Variants in PHKA2 observed in about 807,000 individuals in gnomAD.
PHKA2 encodes phosphorylase kinase regulatory subunit alpha 2.
In PHKA2, 31 loss-of-function variants were observed where a neutral mutation model predicts 102.0. That is an observed-to-expected ratio of 0.30 (90% confidence interval 0.23 to 0.41). The LOEUF (loss-of-function observed/expected upper bound fraction) is 0.41, where lower values mean the gene tolerates loss of function less well. Among genes scored for constraint, PHKA2 ranks in the 10% least tolerant of loss-of-function variants. The pLI, the probability that PHKA2 is intolerant of heterozygous loss-of-function variation, is 1.00. For synonymous variants in PHKA2, 455 were observed against 416.2 expected (o/e 1.09, Z -1.13); for missense variants, 858 against 1,023.1 (o/e 0.84, Z 2.20).
chrX:18,898,399 C>T (rs1266175709), intron 29 of PHKA2, among the ~76,000 whole-genome samples: 3 of 113,041 alleles, frequency 2.7e-5, no homozygotes, highest in Non-Finnish European at 3.7e-5. Context: ...CTTCTAGCTT[C>T]GAGACCTCCA....
Position 18,982,749 on chromosome X carries a change from G to A in PHKA2, c.78+1106C>T, listed in dbSNP as rs758895489. On this transcript the variant is annotated intron_variant, in intron 1 of 32. Transcript: ENST00000379942. Reference sequence around the variant, plus strand: ...CTCGGGAGGCTGAGGCAGGATAATCGCTTGAACCCGAGAGGCAGAGGTTTC... The same window carrying A: ...CTCGGGAGGCTGAGGCAGGATAATCACTTGAACCCGAGAGGCAGAGGTTTC... Among the ~76,000 whole-genome samples the A allele has an allele frequency of 6.9e-4, 77 of 111,815 alleles. No individual in the cohort carries two copies. In the Middle Eastern group the frequency reaches 0.014, roughly 20 times the overall value.
chrX:18,966,424 A>C (rs2048946196), intron 1 of PHKA2, among the ~76,000 whole-genome samples: 3 of 111,390 alleles, frequency 2.7e-5, no homozygotes. Flanking sequence ...AAGGCAACTA[A>C]GTGATCTGAC....
In PHKA2 at chrX:18,958,719, T is replaced by TGC. The variant is rs1187104849; in HGVS notation, c.79-4309_79-4308dup. On this transcript the variant is annotated intron_variant, in intron 1 of 32. Coordinates refer to ENST00000379942, the MANE Select transcript of PHKA2 (RefSeq NM_000292.3). ...TCAGTTTCTTTTGTGTGTGTGTGTG[T>TGC]GCGTGTGTGTGATGGAGTCTCACTC... Among the ~76,000 whole-genome samples, 695 of 110,532 alleles carry TGC rather than the reference T, an allele frequency of 6.3e-3. 8 individuals carry two copies. Among genetic ancestry groups the TGC allele is most frequent in the African/African-American group, 0.022 (661 of 30,323 alleles).
rs1245541529 is a variant in PHKA2 at position 18,952,554 on chromosome X, A to G, written c.238-13T>C. The G allele has an allele frequency of 8.3e-7, 1 of 1,204,488 alleles. No homozygotes were observed. The highest frequency in any genetic ancestry group is 1.8e-5 in the African/African-American group (1 of 56,972). On this transcript the variant is annotated splice_polypyrimidine_tract_variant and intron_variant, in intron 2 of 32. Transcript: ENST00000379942. ...GCTTCACCACGTTCTGTGGAGATAA[A>G]GCAGAATCAGCAACACGGCCCAGGG...
At chrX:18,977,674 T>A (rs762235929) in intron 1 of PHKA2, among the ~76,000 whole-genome samples, 1 of 111,133 alleles carries the variant, frequency 9.0e-6, no homozygotes, top group African/African-American at 3.3e-5. Context: ...ATATAATTTT[T>A]AAAAAATTTC....
intron 26 of PHKA2, 100 bp from the exon 27 acceptor site, chrX:18,901,703 C>G (rs2047685360): frequency 1.7e-5 from 10 of 578,385 alleles, no homozygotes; most frequent in Non-Finnish European, 3.1e-5. Flanking sequence ...TGAGGGCCTT[C>G]TCTGCCTGGC....
At position 18,893,209 on chromosome X, in the gene PHKA2, C is replaced by T; in HGVS notation, c.*276G>A. 1 of 396,067 alleles carries T rather than the reference C, an allele frequency of 2.5e-6. No homozygotes were observed. Among genetic ancestry groups the T allele is most frequent in the Admixed American group, 4.1e-5 (1 of 24,150 alleles). The allele number at this position is 396,067 out of a possible 1,213,427, so 32.6% of individuals were successfully genotyped here. A position where few individuals can be genotyped will look rare whatever the true frequency, so the allele number is the denominator to read the frequency against. On this transcript the variant is annotated 3_prime_UTR_variant, in exon 33 of 33. Coordinates refer to ENST00000379942, the MANE Select transcript of PHKA2 (RefSeq NM_000292.3). ...CAATTTCCAATTCCTCCTCAGAGTC[C>T]GTGAGACCAGATGCTACAGCAAATG...
At chrX:18,950,668 G>A (rs1289983288) in intron 4 of PHKA2, among the ~76,000 whole-genome samples, 1 of 112,953 alleles carries the variant, frequency 8.9e-6, no homozygotes, top group Non-Finnish European at 1.9e-5. Flanking sequence ...GTTTGAATGT[G>A]TCCCCTCCAA....
chrX:18,968,244 A>AT (rs1289640957), intron 1 of PHKA2, among the ~76,000 whole-genome samples: 1 of 111,418 alleles, frequency 9.0e-6, no homozygotes, highest in Non-Finnish European at 1.9e-5. Flanking sequence ...AATTAAAAAA[A>AT]TTTTTTTTCA....
chrX:18,904,355 T>A (rs917285738), intron 26 of PHKA2, among the ~76,000 whole-genome samples: 1 of 112,442 alleles, frequency 8.9e-6, no homozygotes, highest in African/African-American at 3.2e-5. Flanking sequence ...TTACAAAAAT[T>A]GAGCAATTAC....
intron 2 of PHKA2, among the ~76,000 whole-genome samples, chrX:18,953,046 A>G (rs1458111494): frequency 8.9e-6 from 1 of 112,239 alleles, no homozygotes; most frequent in African/African-American, 3.2e-5. Flanking sequence ...TATTATCCTC[A>G]TTATAAATAA....
intron 12 of PHKA2, among the ~76,000 whole-genome samples, chrX:18,930,831 T>A (rs978082979): frequency 8.1e-5 from 9 of 110,571 alleles, no homozygotes; most frequent in African/African-American, 3.0e-4. Context: ...GTATCTTTCA[T>A]CCTGGGCTTC....
chrX:18,910,866 C>T lies in PHKA2; in HGVS notation c.2226+6G>A. 8.8e-7 allele frequency: 1 copy of T among 1,135,091 alleles called. No homozygotes were observed. Among genetic ancestry groups the T allele is most frequent in the Non-Finnish European group, 1.2e-6 (1 of 829,708 alleles). The allele number at this position is 1,135,091 out of a possible 1,213,427, so 93.5% of individuals were successfully genotyped here. On this transcript the variant is annotated splice_donor_region_variant and intron_variant, in intron 20 of 32. Transcript: ENST00000379942. ...CTTTTAAAAAAAGCTGTTCCATATA[C>T]TTTACCTTTTCTAGGAGTGGCTGAG...
intron 1 of PHKA2, among the ~76,000 whole-genome samples, chrX:18,964,186 C>G (rs1173956515): frequency 9.0e-6 from 1 of 111,339 alleles, no homozygotes; most frequent in Non-Finnish European, 1.9e-5. Context: ...TTAGTGTTTC[C>G]TGCACACACA....
chrX:18,949,031 TAAG>T (rs2048633589), intron 4 of PHKA2, among the ~76,000 whole-genome samples: 1 of 110,758 alleles, frequency 9.0e-6, no homozygotes, highest in Non-Finnish European at 1.9e-5. Context: ...GGAAGGAAAA[TAAG>T]GAGAAGGAAA....
intron 1 of PHKA2, among the ~76,000 whole-genome samples, chrX:18,972,873 G>T (rs2049034892): frequency 9.0e-6 from 1 of 111,675 alleles, no homozygotes; most frequent in Non-Finnish European, 1.9e-5. Context: ...TGAATAGAGG[G>T]GGTGATAGTG....
chrX:18,938,792 T>C, intron 9 of PHKA2, 43 bp from the exon 10 acceptor site: 1 of 1,130,666 alleles, frequency 8.8e-7, no homozygotes, highest in Non-Finnish European at 1.2e-6. Context: ...GATGTCAGAA[T>C]ACATACATAA....
At chrX:18,897,095 T>A in intron 30 of PHKA2, 68 bp downstream of exon 30, 1 of 1,129,252 alleles carries the variant, frequency 8.9e-7, no homozygotes, top group Non-Finnish European at 1.2e-6. Context: ...CGCCTGGAGG[T>A]GCCACCATGC....
chrX:18,936,019 A>G, intron 11 of PHKA2, 36 bp downstream of exon 11: 1 of 927,463 alleles, frequency 1.1e-6, no homozygotes, highest in Non-Finnish European at 1.6e-6. Context: ...TTATTTCTAG[A>G]TAAGCGGTGC....
Sources: gnomAD v4.1 joint callset for allele counts (sites outside exome capture counted in the v4.1 genomes callset) on GRCh38, gnomAD v4.1.1 for gene constraint, MANE v1.5 for transcripts, NCBI Gene and HGNC (gene_info 2026-07-23, HGNC 2026-07-21) for gene names.